BMP6: variants seen among roughly 807,000 people sequenced by gnomAD.
BMP6 encodes the protein VG-1-R.
BMP6 carries 17 observed loss-of-function variants against 54.1 expected under a neutral mutation model. The observed-to-expected ratio is 0.31, with a 90% CI of 0.22 to 0.47. The LOEUF is 0.47. Ranked by LOEUF, BMP6 falls within the 20% of genes least tolerant of loss-of-function variation. The pLI is 1.00. For missense variants in BMP6, 720 were observed against 690.4 expected, an observed-to-expected ratio of 1.04 and a Z score of -0.48; for synonymous variants, 328 against 291.2, an observed-to-expected ratio of 1.13 and a Z score of -1.28.
chr6:7,811,796 T>TG (rs1458119587), intron 1 of BMP6, among the ~76,000 whole-genome samples: 4 of 152,250 alleles, frequency 2.6e-5, no homozygotes, highest in Non-Finnish European at 5.9e-5. Context: ...GTTAAACTCT[T>TG]GCAGAGATGA....
At chr6:7,833,225 C>CACTTGTG (rs1434871876) in intron 1 of BMP6, among the ~76,000 whole-genome samples, 1 of 152,196 alleles carries the variant, frequency 6.6e-6, no homozygotes, top group Non-Finnish European at 1.5e-5. Context: ...AGCCACCAGA[C>CACTTGTG]ACTTGTGACT....
intron 2 of BMP6, among the ~76,000 whole-genome samples, chr6:7,851,998 G>C (rs1374647399): frequency 6.6e-6 from 1 of 152,038 alleles, no homozygotes; most frequent in Non-Finnish European, 1.5e-5. Context: ...TCACCTATGG[G>C]TCTATTTCCA....
At chr6:7,875,975 G>A (rs1424708559) in intron 4 of BMP6, among the ~76,000 whole-genome samples, 2 of 152,162 alleles carry the variant, frequency 1.3e-5, no homozygotes, top group African/African-American at 2.4e-5. Flanking sequence ...ATACACTGCA[G>A]GGTGGAGACA....
At chr6:7,760,501 C>T (rs1044174602) in intron 1 of BMP6, among the ~76,000 whole-genome samples, 2 of 152,098 alleles carry the variant, frequency 1.3e-5, no homozygotes, top group Non-Finnish European at 1.5e-5. Context: ...GAGTCTTACT[C>T]TGTCACCCAG....
chr6:7,769,188 G>A (rs367862368), intron 1 of BMP6, among the ~76,000 whole-genome samples: 43 of 152,316 alleles, frequency 2.8e-4, no homozygotes, highest in African/African-American at 1.0e-3. Context: ...AAAGGTAGGG[G>A]AATTGAGCTA....
chr6:7,850,608 A>G (rs1759126987), intron 2 of BMP6, among the ~76,000 whole-genome samples: 1 of 152,234 alleles, frequency 6.6e-6, no homozygotes. Flanking sequence ...GAAAAGGGTA[A>G]AAACACATTT....
At chr6:7,811,044 A>G (rs1232641242) in intron 1 of BMP6, among the ~76,000 whole-genome samples, 2 of 152,104 alleles carry the variant, frequency 1.3e-5, no homozygotes, top group African/African-American at 4.8e-5. Context: ...GGCCCCCACC[A>G]TGGCCTGATA....
intron 4 of BMP6, among the ~76,000 whole-genome samples, chr6:7,871,469 T>C (rs1431578017): frequency 6.6e-6 from 1 of 152,224 alleles, no homozygotes; most frequent in African/African-American, 2.4e-5. Flanking sequence ...GCTTTTATGA[T>C]TGTTGGATTT....
chr6:7,815,874 A>G (rs1015213011), intron 1 of BMP6, among the ~76,000 whole-genome samples: 2 of 152,182 alleles, frequency 1.3e-5, no homozygotes, highest in Admixed American at 6.5e-5. Context: ...CCATTTATCC[A>G]AAAATAGAGC....
chr6:7,830,543 C>A (rs1758777880), intron 1 of BMP6, among the ~76,000 whole-genome samples: 1 of 152,172 alleles, frequency 6.6e-6, no homozygotes, highest in Admixed American at 6.5e-5. Context: ...TCTGAGGAAT[C>A]AATGGCTGAG....
chr6:7,788,422 A>G (rs139317718), intron 1 of BMP6, among the ~76,000 whole-genome samples: 1 of 152,368 alleles, frequency 6.6e-6, no homozygotes, highest in African/African-American at 2.4e-5. Context: ...CTGGTACACA[A>G]TGGGGAAAAT....
At chr6:7,739,209 T>A (rs735666) in intron 1 of BMP6, among the ~76,000 whole-genome samples, 126,592 of 152,176 alleles carry the variant, frequency 0.83, 54,468 homozygotes, top group East Asian at 1. Flanking sequence ...CTAAAGACTG[T>A]AATTTAGAAG....
intron 1 of BMP6, among the ~76,000 whole-genome samples, chr6:7,816,346 C>A (rs1758526090): frequency 6.6e-6 from 1 of 152,156 alleles, no homozygotes; most frequent in Admixed American, 6.5e-5. Flanking sequence ...AGATATCCTC[C>A]CTGTTTTAAA....
chr6:7,778,290 C>G (rs1400490954), intron 1 of BMP6, among the ~76,000 whole-genome samples: 1 of 152,234 alleles, frequency 6.6e-6, no homozygotes, highest in Non-Finnish European at 1.5e-5. Context: ...TAACAGCTCA[C>G]ATGTATTGAG....
rs191137067 is a variant in BMP6, at chr6:7,763,614, G to A, written c.664+35995G>A. 2.6e-5 allele frequency among the ~76,000 whole-genome samples: 4 copies of A among 152,212 alleles called. No individual in the cohort carries two copies. In the East Asian group the frequency reaches 5.8e-4, roughly 22 times the overall value. ...GTGTGGTTTGTGGGTGTTGACATTCGGGTTTGTCCTATCATGGCTGGGCAG... is the reference window on the plus strand; with the variant it reads ...GTGTGGTTTGTGGGTGTTGACATTCAGGTTTGTCCTATCATGGCTGGGCAG... On this transcript the variant is annotated intron_variant, in intron 1 of 6. Transcript: ENST00000283147.
intron 1 of BMP6, among the ~76,000 whole-genome samples, chr6:7,784,496 G>T (rs765753679): frequency 2.0e-5 from 3 of 152,084 alleles, no homozygotes; most frequent in Non-Finnish European, 4.4e-5. Context: ...TGTTCACAGT[G>T]TTATCACAAG....
intron 1 of BMP6, among the ~76,000 whole-genome samples, chr6:7,796,588 GA>G (rs1217048484): frequency 6.6e-6 from 1 of 151,922 alleles, no homozygotes; most frequent in Admixed American, 6.5e-5. Flanking sequence ...ATTCTAATTA[GA>G]AAAAAACCAT....
At chr6:7,728,220 G>C (rs1761783736) in intron 1 of BMP6, among the ~76,000 whole-genome samples, 1 of 152,262 alleles carries the variant, frequency 6.6e-6, no homozygotes, top group Non-Finnish European at 1.5e-5. Flanking sequence ...TCGGATCCCG[G>C]CCGGGCGGGG....
intron 4 of BMP6, among the ~76,000 whole-genome samples, chr6:7,870,985 G>C (rs756509048): frequency 2.6e-5 from 4 of 152,186 alleles, no homozygotes; most frequent in Non-Finnish European, 5.9e-5. Flanking sequence ...GAAGCTTCCT[G>C]TATCATGGGC....
Sources: gnomAD v4.1 joint callset for allele counts (sites outside exome capture counted in the v4.1 genomes callset) on GRCh38, gnomAD v4.1.1 for gene constraint, MANE v1.5 for transcripts, NCBI Gene and HGNC (gene_info 2026-07-23, HGNC 2026-07-21) for gene names.